Variants in PCDH9 observed in about 807,000 individuals in gnomAD.
The protein encoded by PCDH9 is protocadherin 9.
A neutral mutation model predicts 70.6 loss-of-function variants in PCDH9; 24 were observed. That is an observed-to-expected ratio of 0.34 (90% CI 0.25 to 0.48). The LOEUF (loss-of-function observed/expected upper bound fraction) is 0.48. Among genes scored for constraint, PCDH9 ranks in the 20% least tolerant of loss-of-function variants. PCDH9 has a pLI of 0.99. For synonymous variants in PCDH9, 562 were observed against 558.5 expected, an observed-to-expected ratio of 1.01 and a Z score of -0.09; for missense variants, 1,281 against 1,503.6, an observed-to-expected ratio of 0.85 and a Z score of 2.45.
intron 3 of PCDH9, among the ~76,000 whole-genome samples, chr13:66,686,381 C>A (rs556777761): frequency 6.6e-6 from 1 of 152,142 alleles, no homozygotes. Flanking sequence ...TTTCCTGAGG[C>A]CTCCCCAACC....
chr13:66,949,189 T>C (rs889019762), intron 2 of PCDH9, among the ~76,000 whole-genome samples: 9 of 152,148 alleles, frequency 5.9e-5, no homozygotes, highest in Non-Finnish European at 1.3e-4. Context: ...TTATCCAAAA[T>C]GGTATTTCCC....
intron 4 of PCDH9, among the ~76,000 whole-genome samples, chr13:66,539,033 A>C (rs1013878804): frequency 6.6e-6 from 1 of 152,122 alleles, no homozygotes; most frequent in African/African-American, 2.4e-5. Context: ...ATGATTCTAA[A>C]ACCATTGCAG....
At chr13:66,781,518 G>C (rs1594053456) in intron 3 of PCDH9, among the ~76,000 whole-genome samples, 2 of 152,154 alleles carry the variant, frequency 1.3e-5, no homozygotes, top group Non-Finnish European at 2.9e-5. Flanking sequence ...CTTGGTCTCT[G>C]AAGAGTTTAT....
chr13:66,677,499 C>T (rs1009227484), intron 3 of PCDH9, among the ~76,000 whole-genome samples: 5 of 151,988 alleles, frequency 3.3e-5, no homozygotes, highest in Non-Finnish European at 5.9e-5. Context: ...CGAGGTAGAG[C>T]CCATTGGGAG....
chr13:66,672,770 G>A (rs1194385397), intron 3 of PCDH9, among the ~76,000 whole-genome samples: 2 of 152,182 alleles, frequency 1.3e-5, no homozygotes, highest in Non-Finnish European at 2.9e-5. Flanking sequence ...TATCATTTTG[G>A]AGCCTTTAGA....
chr13:66,384,756 T>C (rs1004763043), intron 4 of PCDH9, among the ~76,000 whole-genome samples: 3 of 152,086 alleles, frequency 2.0e-5, no homozygotes, highest in Non-Finnish European at 4.4e-5. Context: ...CCTCCACCTC[T>C]CGGGCACCGG....
chr13:66,589,883 T>G (rs1325669131), intron 4 of PCDH9, among the ~76,000 whole-genome samples: 5 of 152,046 alleles, frequency 3.3e-5, no homozygotes, highest in Admixed American at 6.6e-5. Context: ...TTGCAGAAAT[T>G]TCACACAGAT....
rs577805886 is a variant in PCDH9 at position 66,346,570 on chromosome 13, A to C, written c.3341-41542T>G. 4.6e-5 allele frequency among the ~76,000 whole-genome samples: 7 copies of C among 152,302 alleles called. No individual in the cohort carries two copies. The South Asian group carries it at 1.5e-3, about 32-fold the overall frequency. ...GAGTTTGCCACTGCTGTATAAACCC[A>C]TCCATCACAATGCTTCAATTCCTGC... On this transcript the variant is annotated intron_variant, in intron 4 of 4. Coordinates refer to ENST00000377865, the MANE Select transcript of PCDH9 (RefSeq NM_203487.3).
chr13:67,117,728 G>A (rs1464412741), intron 2 of PCDH9, among the ~76,000 whole-genome samples: 1 of 152,066 alleles, frequency 6.6e-6, no homozygotes, highest in African/African-American at 2.4e-5. Flanking sequence ...CACAGATAAA[G>A]GAGGGATGGG....
chr13:67,130,332 C>T (rs1434176629), intron 2 of PCDH9, among the ~76,000 whole-genome samples: 6 of 151,848 alleles, frequency 4.0e-5, no homozygotes, highest in Non-Finnish European at 8.8e-5. Context: ...TTTAAGATGA[C>T]TATCATATAT....
intron 2 of PCDH9, among the ~76,000 whole-genome samples, chr13:67,125,355 TC>T (rs1314648950): frequency 1.3e-5 from 2 of 152,042 alleles, no homozygotes; most frequent in African/African-American, 4.8e-5. Flanking sequence ...AAGGAACAAA[TC>T]CCCCAGATCC....
intron 4 of PCDH9, among the ~76,000 whole-genome samples, chr13:66,335,423 C>G (rs1419943939): frequency 6.6e-6 from 1 of 152,084 alleles, no homozygotes; most frequent in Non-Finnish European, 1.5e-5. Context: ...ACACTCACAA[C>G]CAACACCAAC....
chr13:66,570,932 T>C (rs368864319), intron 4 of PCDH9, among the ~76,000 whole-genome samples: 3 of 152,062 alleles, frequency 2.0e-5, no homozygotes, highest in South Asian at 2.1e-4. Context: ...ATAATGCATA[T>C]GCATAAAAGG....
intron 4 of PCDH9, among the ~76,000 whole-genome samples, chr13:66,461,995 A>C (rs539993509): frequency 2.2e-3 from 332 of 151,866 alleles, no homozygotes; most frequent in Admixed American, 4.8e-3. Context: ...TAATTGTTGC[A>C]GCAGTGCAAC....
chr13:67,023,160 T>A (rs1311757932), intron 2 of PCDH9, among the ~76,000 whole-genome samples: 3 of 152,158 alleles, frequency 2.0e-5, no homozygotes, highest in African/African-American at 4.8e-5. Context: ...ATCCTTTTTT[T>A]TTTTTTAGCC....
At chr13:66,664,447 T>C (rs2078064683) in intron 3 of PCDH9, among the ~76,000 whole-genome samples, 1 of 151,788 alleles carries the variant, frequency 6.6e-6, no homozygotes, top group Non-Finnish European at 1.5e-5. Flanking sequence ...ATGGGCTTTT[T>C]TTTTTTTAAA....
At chr13:67,083,985 A>G (rs1328458261) in intron 2 of PCDH9, among the ~76,000 whole-genome samples, 1 of 152,174 alleles carries the variant, frequency 6.6e-6, no homozygotes, top group African/African-American at 2.4e-5. Flanking sequence ...CAGAGCAGAG[A>G]TCACCACTCT....
intron 2 of PCDH9, among the ~76,000 whole-genome samples, chr13:66,955,736 A>C (rs142760743): frequency 2.9e-3 from 446 of 152,336 alleles, no homozygotes; most frequent in African/African-American, 9.8e-3. Flanking sequence ...TTTAAAGATC[A>C]CTTTAAAAAT....
rs540180522 is a variant in PCDH9, at chr13:66,450,847, C to A, written c.3341-145819G>T. The stretch of plus-strand genomic sequence containing the variant: ...TGGCTAACATGGTGAAACCCCTTCT[C>A]TACTAAAGAAATACAAAAAAATTAG... On this transcript the variant is annotated intron_variant, in intron 4 of 4. Transcript: ENST00000377865. 2.0e-5 allele frequency among the ~76,000 whole-genome samples: 3 copies of A among 152,248 alleles called. No homozygotes were observed. In the South Asian group the frequency reaches 6.2e-4, roughly 32 times the overall value.
Sources: allele counts gnomAD v4.1 joint callset (sites outside exome capture counted in the v4.1 genomes callset), GRCh38; gene constraint gnomAD v4.1.1; transcripts MANE v1.5; gene names NCBI Gene and HGNC (gene_info 2026-07-23, HGNC 2026-07-21).